The following MYOF variants were observed in gnomAD, a reference collection of about 807,000 sequenced individuals.
MYOF encodes the protein fer-1-like 3, myoferlin.
MYOF carries 244 observed loss-of-function variants against 284.2 expected under a neutral mutation model. That is an observed-to-expected ratio of 0.86 (90% CI 0.77 to 0.95). The LOEUF (loss-of-function observed/expected upper bound fraction) is 0.95, where lower values mean the gene tolerates loss of function less well. MYOF is among the 40% of genes least tolerant of loss of function. MYOF has a pLI of 0.00. For synonymous variants in MYOF, 904 were observed against 919.7 expected, an observed-to-expected ratio of 0.98 and a Z score of 0.31; for missense variants, 2,496 against 2,560.6, an observed-to-expected ratio of 0.97 and a Z score of 0.54.
intron 15 of MYOF, 127 bp downstream of exon 15, chr10:93,397,120 C>A: frequency 1.4e-6 from 1 of 722,512 alleles, no homozygotes; most frequent in Non-Finnish European, 2.1e-6. Flanking sequence ...CGCCCAGTTC[C>A]AGGAGCAATT....
At chr10:93,418,581 G>A (rs1169844910) in intron 5 of MYOF, among the ~76,000 whole-genome samples, 1 of 152,150 alleles carries the variant, frequency 6.6e-6, no homozygotes, top group Non-Finnish European at 1.5e-5. Context: ...AGCCAGTCTA[G>A]ATAACAAAGC....
In MYOF at chr10:93,397,403, G is replaced by A; in HGVS notation, c.1275C>T (p.Val425=). The change falls in exon 14 of 54, where the codon GTC becomes GTT. Residue 425 remains valine, a synonymous_variant. Coordinates refer to ENST00000359263, the MANE Select transcript of MYOF (RefSeq NM_013451.4). ...KNANPEWNQV[V]NLQIKFPSVC... is the part of the protein sequence containing the mutation. ...AAAGTCAAACCTTGATCTGAAGATTGACGACCTGATTCCACTCTGGGTTTG... is the reference window on the plus strand; with the variant it reads ...AAAGTCAAACCTTGATCTGAAGATTAACGACCTGATTCCACTCTGGGTTTG... The A allele has an allele frequency of 6.2e-7, 1 of 1,611,642 alleles. No homozygotes were observed. Among genetic ancestry groups the A allele is most frequent in the Non-Finnish European group, 8.5e-7 (1 of 1,179,400 alleles).
chr10:93,342,000 C>T (rs914701063), intron 38 of MYOF: 5 of 1,276,630 alleles, frequency 3.9e-6, no homozygotes, highest in African/African-American at 1.5e-5. Context: ...TTGAGATGGC[C>T]ATGTACACAT....
chr10:93,482,239 ACTAGGGCGCTGG>A lies in MYOF; in HGVS notation c.-57_-46del, dbSNP rs2057395941. The A allele has an allele frequency of 6.4e-7, 1 of 1,553,398 alleles. No individual in the cohort carries two copies. Among genetic ancestry groups the A allele is most frequent in the Non-Finnish European group, 8.8e-7 (1 of 1,130,150 alleles). On this transcript the variant is annotated 5_prime_UTR_variant, in exon 1 of 54. Transcript: ENST00000359263. ...GCAAGTTTCAGCAAACGAAGTGGAGACTAGGGCGCTGGAGCTCCGGGTCGCACCGCCCTGGGA... is the reference window on the plus strand; with the variant it reads ...GCAAGTTTCAGCAAACGAAGTGGAGAAGCTCCGGGTCGCACCGCCCTGGGA...
At position 93,306,927 on chromosome 10, in the gene MYOF, T is replaced by C; in HGVS notation, c.*36A>G. 1 of 1,603,164 alleles carries C rather than the reference T, an allele frequency of 6.2e-7. No individual in the cohort carries two copies. Among genetic ancestry groups the C allele is most frequent in the Non-Finnish European group, 8.5e-7 (1 of 1,170,586 alleles). On this transcript the variant is annotated 3_prime_UTR_variant, in exon 54 of 54. Coordinates refer to ENST00000359263, the MANE Select transcript of MYOF (RefSeq NM_013451.4). The stretch of plus-strand genomic sequence containing the variant: ...GTCTACAGAGGCAGGATTCTCTCAT[T>C]GCTGGATGACTCTTGAAATGAAGCC...
At chr10:93,467,860 A>G (rs572251948) in intron 1 of MYOF, among the ~76,000 whole-genome samples, 25 of 152,326 alleles carry the variant, frequency 1.6e-4, no homozygotes, top group Non-Finnish European at 3.4e-4. Context: ...CATTCTCAGC[A>G]AACCTGTGCT....
chr10:93,320,051 T>C lies in MYOF; in HGVS notation c.5457-38A>G, dbSNP rs768915392. 1.1e-5 allele frequency: 18 copies of C among 1,610,896 alleles called. 1 individual carries two copies. The Admixed American group carries it at 2.0e-4, about 18-fold the overall frequency. On this transcript the variant is annotated intron_variant, in intron 48 of 53. Transcript: ENST00000359263. ...GGCAAACAGACTTAGCTTCACGTGA[T>C]TGACAAGTCATGTAGCCGCAAAATT...
chr10:93,359,902 A>T lies in MYOF; in HGVS notation c.3051T>A (p.Thr1017=). Reference sequence around the variant, plus strand: ...TTCGGACCAGCCTTCGCCGTCTATGAGTGTGGTACATTTTCTCTGCTGCAA... The same window carrying T: ...TTCGGACCAGCCTTCGCCGTCTATGTGTGTGGTACATTTTCTCTGCTGCAA... ...SWVAAEKMYH[T]HRRRRLVRKR... The change falls in exon 29 of 54, where the codon ACT becomes ACA. Residue 1017 remains threonine (T), a synonymous_variant. Transcript: ENST00000359263. 6.2e-7 allele frequency: 1 copy of T among 1,614,142 alleles called. No individual in the cohort carries two copies. The highest frequency in any genetic ancestry group is 8.5e-7 in the Non-Finnish European group (1 of 1,180,034).
At chr10:93,425,708 C>G in intron 5 of MYOF, 1 of 236,274 alleles carries the variant, frequency 4.2e-6, no homozygotes, top group Non-Finnish European at 8.3e-6. Flanking sequence ...AGGAGACACA[C>G]AGAGGAGAGC....
chr10:93,325,074 G>A (rs545899473), intron 46 of MYOF, among the ~76,000 whole-genome samples: 4 of 152,192 alleles, frequency 2.6e-5, no homozygotes, highest in South Asian at 4.2e-4. Context: ...CACCGCACCC[G>A]GCCTAGATTA....
chr10:93,383,633 A>C (rs1047349203), intron 19 of MYOF, among the ~76,000 whole-genome samples: 4 of 152,242 alleles, frequency 2.6e-5, no homozygotes, highest in Non-Finnish European at 5.9e-5. Flanking sequence ...TGTCAAAATG[A>C]AAAAGTAGGA....
chr10:93,375,467 A>G (rs1302084458), intron 22 of MYOF, among the ~76,000 whole-genome samples: 1 of 152,234 alleles, frequency 6.6e-6, no homozygotes, highest in Non-Finnish European at 1.5e-5. Flanking sequence ...ATCTGTGTCA[A>G]CACGTAGTGT....
Position 93,351,218 on chromosome 10 carries a change from C to T in MYOF, c.3900G>A (p.Val1300=). ...LYMVPQGIRP[V]VQLTAIEILA... is the part of the protein sequence containing the mutation. ...ATACCTCAATGGCAGTGAGCTGGAC[C>T]ACAGGCCTGATCCCCTGGGGGACCA... The change falls in exon 35 of 54, where the codon GTG becomes GTA. Residue 1300 remains valine (V), a synonymous_variant. Coordinates refer to ENST00000359263, the MANE Select transcript of MYOF (RefSeq NM_013451.4). The T allele has an allele frequency of 6.2e-7, 1 of 1,614,128 alleles. No homozygotes were observed. The highest frequency in any genetic ancestry group is 1.3e-5 in the African/African-American group (1 of 75,006).
At chr10:93,377,256 A>T in intron 22 of MYOF, 67 bp downstream of exon 22, 1 of 1,100,646 alleles carries the variant, frequency 9.1e-7, no homozygotes, top group Non-Finnish European at 1.4e-6. Context: ...CACAGGATTT[A>T]CAGTCTTAGA....
intron 2 of MYOF, 88 bp downstream of exon 2, chr10:93,456,794 G>A (rs181781364): frequency 7.3e-6 from 7 of 958,694 alleles, no homozygotes; most frequent in East Asian, 2.4e-5. Context: ...TTCTCCTTCC[G>A]AAGGGAAGAG....
chr10:93,440,885 C>G (rs537501998), intron 3 of MYOF, among the ~76,000 whole-genome samples: 2 of 152,302 alleles, frequency 1.3e-5, no homozygotes, highest in African/African-American at 4.8e-5. Context: ...TTAACAGATA[C>G]CAACAGGATT....
Position 93,456,878 on chromosome 10 carries a change from TCAC to T in MYOF, c.144+1_144+3del, listed in dbSNP as rs773601780. 1 of 1,599,916 alleles carries T rather than the reference TCAC, an allele frequency of 6.3e-7. No individual in the cohort carries two copies. The highest frequency in any genetic ancestry group is 1.1e-5 in the South Asian group (1 of 88,958). On this transcript the variant is annotated splice_donor_variant and splice_donor_region_variant and intron_variant, in intron 2 of 53. Transcript: ENST00000359263. LOFTEE classifies it high-confidence loss of function. ...AAACAAAGTTGAAAAAACAATGAAGTCACCTCATTCCAGACAGGGTTCAATTCA... is the reference window on the plus strand; with the variant it reads ...AAACAAAGTTGAAAAAACAATGAAGTCTCATTCCAGACAGGGTTCAATTCA...
intron 4 of MYOF, among the ~76,000 whole-genome samples, chr10:93,429,099 G>T (rs1428556648): frequency 6.6e-6 from 1 of 152,180 alleles, no homozygotes; most frequent in African/African-American, 2.4e-5. Context: ...CATGGGGGCG[G>T]ATCCCTCACG....
Position 93,452,050 on chromosome 10 carries a change from T to A in MYOF, c.236A>T (p.Lys79Ile). Reference sequence around the variant, plus strand: ...AGAAAAACAGGTGAAAACAACTTACTTATTTTGTCCAATTGTCTCAAAATC... The same window carrying A: ...AGAAAAACAGGTGAAAACAACTTACATATTTTGTCCAATTGTCTCAAAATC... ...VKDFETIGQN[K>I]LIGTATVALK... Residue 79 changes from lysine to isoleucine, a missense_variant and splice_region_variant, in exon 3 of 54, where the codon AAA becomes ATA. By Grantham distance (102) the Lys-to-Ile change is moderately radical (BLOSUM62 -3). Coordinates refer to ENST00000359263, the MANE Select transcript of MYOF (RefSeq NM_013451.4). 1 of 1,604,608 alleles carries A rather than the reference T, an allele frequency of 6.2e-7. No individual in the cohort carries two copies. The highest frequency in any genetic ancestry group is 8.5e-7 in the Non-Finnish European group (1 of 1,173,934).
Sources: gnomAD v4.1 joint callset for allele counts (sites outside exome capture counted in the v4.1 genomes callset) on GRCh38, gnomAD v4.1.1 for gene constraint, MANE v1.5 for transcripts, NCBI Gene and HGNC (gene_info 2026-07-23, HGNC 2026-07-21) for gene names.